ANK3: variants seen among roughly 807,000 people sequenced by gnomAD.
ANK3 encodes the protein ankyrin-3.
Under a neutral mutation model 370.9 loss-of-function variants are expected in ANK3, and 57 were observed. That is an observed-to-expected ratio of 0.15 (90% CI 0.12 to 0.19). The LOEUF is 0.19. ANK3 is among the 10% of genes least tolerant of loss of function. The pLI, the probability that ANK3 is intolerant of heterozygous loss-of-function variation, is 1.00. For synonymous variants in ANK3, 1,929 were observed against 1,946.3 expected, an observed-to-expected ratio of 0.99 and a Z score of 0.23; for missense variants, 4,439 against 5,302.1, an observed-to-expected ratio of 0.84 and a Z score of 5.06.
chr10:60,141,171 A>C (rs1320074657), intron 23 of ANK3, among the ~76,000 whole-genome samples: 1 of 152,178 alleles, frequency 6.6e-6, no homozygotes, highest in African/African-American at 2.4e-5. Flanking sequence ...ACTTTGCAAT[A>C]CACTAATTGC....
At chr10:60,086,598 TTATATCTTTGTACACAAA>T (rs1417536680) in intron 30 of ANK3, 61 bp downstream of exon 30, 31 of 1,285,838 alleles carry the variant, frequency 2.4e-5, no homozygotes, top group Non-Finnish European at 3.2e-5. Flanking sequence ...TTCAAAGGTT[TTATATCTTTGTACACAAA>T]TATATCTTTG....
intron 2 of ANK3, among the ~76,000 whole-genome samples, chr10:60,537,122 A>T (rs1165648876): frequency 6.6e-6 from 1 of 152,036 alleles, no homozygotes; most frequent in Non-Finnish European, 1.5e-5. Context: ...AAGAAATGAA[A>T]ATTTAGAGGG....
intron 7 of ANK3, among the ~76,000 whole-genome samples, chr10:60,256,679 G>A (rs1267485227): frequency 6.6e-6 from 1 of 152,100 alleles, no homozygotes; most frequent in African/African-American, 2.4e-5. Context: ...ATGTCCATGA[G>A]TACCCCACAT....
chr10:60,042,736 T>G lies in ANK3; in HGVS notation c.13089A>C (p.Lys4363Asn), dbSNP rs747316209. ...CCACATGCCGGATTTCTTTCTTCGT[T>G]TTCACCTTAAAACCTTCTCCCTGCT... ...EQKQGEGFKV[K>N]TKKEIRHVEK... The change falls in exon 43 of 44, where the codon AAA (lysine) becomes AAC (asparagine). Residue 4363 changes from lysine to asparagine, a missense_variant. By Grantham distance (94) the Lys-to-Asn change is moderately conservative. Transcript: ENST00000280772. 28 of 1,613,788 alleles carry G rather than the reference T, an allele frequency of 1.7e-5. No individual in the cohort carries two copies. The highest frequency in any genetic ancestry group is 2.2e-5 in the Non-Finnish European group (26 of 1,179,998).
intron 43 of ANK3, among the ~76,000 whole-genome samples, chr10:60,033,215 C>T (rs1040355847): frequency 2.6e-5 from 4 of 151,864 alleles, no homozygotes; most frequent in Admixed American, 2.6e-4. Context: ...TATACGAAAA[C>T]AGGGCCACGC....
chr10:60,300,415 A>G (rs2132797227), intron 1 of ANK3: 1 of 1,289,234 alleles, frequency 7.8e-7, no homozygotes, highest in Middle Eastern at 2.1e-4. Flanking sequence ...ACAGAGCATC[A>G]CATCTAAAAA....
rs116179288 is a variant in ANK3, at chr10:60,547,900, C to T, written c.96+67286G>A. 1.6e-3 allele frequency among the ~76,000 whole-genome samples: 242 copies of T among 152,164 alleles called. 1 individual carries two copies. The highest frequency in any genetic ancestry group is 5.5e-3 in the African/African-American group (230 of 41,502). On this transcript the variant is annotated intron_variant, in intron 2 of 43. Coordinates refer to the ANK3 transcript ENST00000373827. ...GGTTGTAGCCATCTGGACATCATAG[C>T]CCTAAGTTTTATTTAATTTCTAAGA... is the stretch of plus-strand genomic sequence containing the variant.
At chr10:60,583,461 C>CTATGTATATAATCATAAATATA (rs1240746890) in intron 2 of ANK3, among the ~76,000 whole-genome samples, 1 of 150,576 alleles carries the variant, frequency 6.6e-6, no homozygotes, top group Non-Finnish European at 1.5e-5. Context: ...ATGATTAGAG[C>CTATGTATATAATCATAAATATA]TAAGAACAAT....
At chr10:60,372,621 C>A (rs147809617) in intron 1 of ANK3, among the ~76,000 whole-genome samples, 2 of 152,122 alleles carry the variant, frequency 1.3e-5, no homozygotes, top group Non-Finnish European at 2.9e-5. Flanking sequence ...CAGTCACAGG[C>A]AATTCATAAG....
At chr10:60,270,253 TTGTC>T (rs1592795601) in intron 4 of ANK3, 24 bp from the exon 5 acceptor site, 2 of 1,526,100 alleles carry the variant, frequency 1.3e-6, no homozygotes, top group Non-Finnish European at 1.8e-6. Context: ...AAAAAAATGT[TTGTC>T]TGCAGCTTTC....
intron 2 of ANK3, among the ~76,000 whole-genome samples, chr10:60,438,035 T>C (rs533622220): frequency 8.0e-4 from 122 of 152,224 alleles, no homozygotes; most frequent in Non-Finnish European, 9.0e-4. Context: ...AGCTGAAGTG[T>C]CCATTAAAGC....
chr10:60,532,988 CA>C (rs2076643239), intron 2 of ANK3, among the ~76,000 whole-genome samples: 2 of 152,048 alleles, frequency 1.3e-5, no homozygotes, highest in South Asian at 4.2e-4. Context: ...TCTCAGCCAG[CA>C]AAAGTCATAA....
intron 2 of ANK3, among the ~76,000 whole-genome samples, chr10:60,554,428 T>G (rs1476149522): frequency 6.6e-6 from 1 of 152,150 alleles, no homozygotes; most frequent in Non-Finnish European, 1.5e-5. Flanking sequence ...GAGCCTATAG[T>G]GCAAAATCCT....
rs138473058 is a variant in ANK3 at position 60,125,328 on chromosome 10, A to C, written c.2841+8943T>G. 3.0e-3 allele frequency among the ~76,000 whole-genome samples: 452 copies of C among 152,306 alleles called. 3 individuals are homozygous for C. Among genetic ancestry groups the C allele is most frequent in the African/African-American group, 0.01 (422 of 41,568 alleles). On this transcript the variant is annotated intron_variant, in intron 25 of 43. Coordinates refer to ENST00000280772, the MANE Select transcript of ANK3 (RefSeq NM_020987.5). ...AGAAGGTGAATCAAGGTCAGAGTGGAAGCTGAGCGTGTCAACACCCAGCTT... is the reference window on the plus strand; with the variant it reads ...AGAAGGTGAATCAAGGTCAGAGTGGCAGCTGAGCGTGTCAACACCCAGCTT...
chr10:60,246,554 C>G (rs1021318918), intron 7 of ANK3, among the ~76,000 whole-genome samples: 2 of 152,162 alleles, frequency 1.3e-5, no homozygotes, highest in Non-Finnish European at 2.9e-5. Flanking sequence ...CAACTAATCC[C>G]ATTTGATCAG....
At chr10:60,719,054 G>A (rs554179856) in intron 1 of ANK3, among the ~76,000 whole-genome samples, 6 of 152,038 alleles carry the variant, frequency 3.9e-5, no homozygotes, top group African/African-American at 7.2e-5. Context: ...ATCCTTGAAC[G>A]GCCTCAATTC....
Position 60,340,433 on chromosome 10 carries a change from C to CA in ANK3, c.114+48991dup, listed in dbSNP as rs1049225804. 2.6e-5 allele frequency among the ~76,000 whole-genome samples: 4 copies of CA among 152,172 alleles called. No homozygotes were observed. The East Asian group carries it at 7.7e-4, about 29-fold the overall frequency. ...TTTTTTTCTTTCTTTCTTTCTGAGG[C>CA]AGAGTCTCACTCTGTTGCCCAGGCT... is the stretch of plus-strand genomic sequence containing the variant. On this transcript the variant is annotated intron_variant, in intron 1 of 43. Coordinates refer to ENST00000280772, the MANE Select transcript of ANK3 (RefSeq NM_020987.5).
At chr10:60,043,486 C>G in intron 42 of ANK3, 1 of 985,368 alleles carries the variant, frequency 1.0e-6, no homozygotes, top group Non-Finnish European at 1.2e-6. Flanking sequence ...GATGTTTTCT[C>G]TGAGAGAAAG....
chr10:60,724,657 C>T (rs2079915983), intron 1 of ANK3, among the ~76,000 whole-genome samples: 1 of 152,142 alleles, frequency 6.6e-6, no homozygotes, highest in East Asian at 1.9e-4. Flanking sequence ...GCAAAATTAA[C>T]AAGGAACTTA....
Sources: allele counts gnomAD v4.1 joint callset (sites outside exome capture counted in the v4.1 genomes callset), GRCh38; gene constraint gnomAD v4.1.1; transcripts MANE v1.5; gene names NCBI Gene and HGNC (gene_info 2026-07-23, HGNC 2026-07-21).